Variants in TRMT9B observed in about 807,000 individuals in gnomAD.
TRMT9B encodes probable tRNA methyltransferase 9B.
A neutral mutation model predicts 11.5 loss-of-function variants in TRMT9B; 16 were observed. The ratio of observed to expected loss-of-function variants is 1.39; its 90% CI spans 0.94 to 2.11. The LOEUF (loss-of-function observed/expected upper bound fraction) is 2.11. Among genes scored for constraint, TRMT9B ranks in the 30% most tolerant of loss-of-function variants. The pLI, the probability that TRMT9B is intolerant of heterozygous loss-of-function variation, is 0.00. For missense variants in TRMT9B, 941 were observed against 553.8 expected, an observed-to-expected ratio of 1.70 and a Z score of -7.02; for synonymous variants, 274 against 192.4, an observed-to-expected ratio of 1.42 and a Z score of -3.51.
chr8:12,978,655 G>C (rs548237805), intron 1 of TRMT9B, among the ~76,000 whole-genome samples: 45 of 152,240 alleles, frequency 3.0e-4, no homozygotes, highest in African/African-American at 1.1e-3. Context: ...CAATATAGTA[G>C]CCACTGCAGG....
At chr8:12,972,997 C>A (rs1159822597) in intron 1 of TRMT9B, among the ~76,000 whole-genome samples, 1 of 152,176 alleles carries the variant, frequency 6.6e-6, no homozygotes, top group Non-Finnish European at 1.5e-5. Context: ...TTTACCCTGA[C>A]TCCCCAGGCC....
chr8:13,019,537 G>A (rs369016581), intron 4 of TRMT9B, among the ~76,000 whole-genome samples: 10 of 152,064 alleles, frequency 6.6e-5, no homozygotes, highest in East Asian at 1.9e-4. Flanking sequence ...CAAGAGTTCC[G>A]CCCACCTCAG....
rs375239354 is a variant in TRMT9B, at chr8:13,021,891, C to T, written c.1212C>T (p.Asp404=). The change falls in exon 5 of 5, where the codon GAC becomes GAT. Residue 404 remains aspartate, a synonymous_variant. Transcript: ENST00000524591. Reference sequence around the variant, plus strand: ...AAGATCCACAGACTGATGTTTTGGACTCCACAGCCTTTATGCGCTACTACC... The same window carrying T: ...AAGATCCACAGACTGATGTTTTGGATTCCACAGCCTTTATGCGCTACTACC... ...SVEDPQTDVL[D]STAFMRYYHV... 1.6e-5 allele frequency: 26 copies of T among 1,613,808 alleles called. No individual in the cohort carries two copies. In the African/African-American group the frequency reaches 2.3e-4, roughly 14 times the overall value.
chr8:12,949,349 A>G lies in TRMT9B; in HGVS notation c.-200+3383A>G, dbSNP rs143337879. On this transcript the variant is annotated intron_variant, in intron 1 of 4. Transcript: ENST00000524591. ...GTACACCCAGCATCAGCAACTGTCA[A>G]TATTTTGACAGTCATTTTTTATCCT... Among the ~76,000 whole-genome samples, 109 of 152,284 alleles carry G rather than the reference A, an allele frequency of 7.2e-4. 1 individual carries two copies. The highest frequency in any genetic ancestry group is 2.4e-3 in the African/African-American group (100 of 41,572).
chr8:13,010,139 A>G, intron 3 of TRMT9B: 1 of 430,670 alleles, frequency 2.3e-6, no homozygotes, highest in Non-Finnish European at 3.1e-6. Context: ...CCCTATCTGA[A>G]AAAAAAAAAA....
chr8:13,021,042 C>G lies in TRMT9B; in HGVS notation c.363C>G (p.Ile121Met). 1 of 1,572,924 alleles carries G rather than the reference C, an allele frequency of 6.4e-7. No individual in the cohort carries two copies. The highest frequency in any genetic ancestry group is 8.6e-7 in the Non-Finnish European group (1 of 1,160,990). ...IHHFSTKQRR[I>M]RAIKEMARVL... The stretch of plus-strand genomic sequence containing the variant: ...ATTTTTCTACAAAACAAAGAAGAAT[C>G]AGAGCAATAAAAGAAATGGCCAGGG... The change falls in exon 5 of 5, where the codon ATC becomes ATG. Residue 121 changes from isoleucine to methionine, a missense_variant. Coordinates refer to ENST00000524591, the MANE Select transcript of TRMT9B (RefSeq NM_020844.3).
intron 1 of TRMT9B, among the ~76,000 whole-genome samples, chr8:12,957,612 G>C (rs991388837): frequency 4.6e-5 from 7 of 152,128 alleles, no homozygotes; most frequent in African/African-American, 1.7e-4. Context: ...AGTGAAGAGG[G>C]AATGATTACT....
At chr8:13,011,710 T>G in intron 3 of TRMT9B, 15 of 977,118 alleles carry the variant, frequency 1.5e-5, no homozygotes, top group Non-Finnish European at 1.8e-5. Flanking sequence ...TACTTAGGTC[T>G]CTGCTACTGG....
intron 1 of TRMT9B, among the ~76,000 whole-genome samples, chr8:12,980,408 TC>T (rs1805166967): frequency 6.6e-6 from 1 of 151,846 alleles, no homozygotes; most frequent in Non-Finnish European, 1.5e-5. Context: ...AACCCTTTTT[TC>T]CAAATAAGGT....
chr8:12,987,574 C>G (rs2946487), intron 1 of TRMT9B, among the ~76,000 whole-genome samples: 6,025 of 152,044 alleles, frequency 0.04, 160 homozygotes, highest in African/African-American at 0.069. Flanking sequence ...CCTATAGTCC[C>G]AGATACTTGG....
At position 12,976,179 on chromosome 8, in the gene TRMT9B, C is replaced by T. The variant is rs115434464; in HGVS notation, c.-199-14655C>T. Among the ~76,000 whole-genome samples, 475 of 152,300 alleles carry T rather than the reference C, an allele frequency of 3.1e-3. 4 individuals carry two copies. Among genetic ancestry groups the T allele is most frequent in the African/African-American group, 9.9e-3 (411 of 41,550 alleles). On this transcript the variant is annotated intron_variant, in intron 1 of 4. Transcript: ENST00000524591. ...TGCCACTGCTGAGCTCCTGCTGCCA[C>T]CCTCGGCACCTGCCCTAGTTCTCCT... is the stretch of plus-strand genomic sequence containing the variant.
chr8:13,012,212 C>G, intron 3 of TRMT9B: 1 of 985,288 alleles, frequency 1.0e-6, no homozygotes, highest in Non-Finnish European at 1.2e-6. Flanking sequence ...TAAGTATTCG[C>G]CGAAGGCTTT....
At position 13,012,677 on chromosome 8, in the gene TRMT9B, C is replaced by T; in HGVS notation, c.155-7C>T. 6.2e-7 allele frequency: 1 copy of T among 1,609,448 alleles called. No individual in the cohort carries two copies. The highest frequency in any genetic ancestry group is 8.5e-7 in the Non-Finnish European group (1 of 1,177,490). ...GATAGCATGTAACGCAGGTTTTTCT[C>T]TTATAGGTTGTGGGACTGGAAAATA... On this transcript the variant is annotated splice_region_variant and splice_polypyrimidine_tract_variant and intron_variant, in intron 3 of 4. Transcript: ENST00000524591.
At chr8:12,978,816 G>A (rs557400901) in intron 1 of TRMT9B, among the ~76,000 whole-genome samples, 2 of 152,308 alleles carry the variant, frequency 1.3e-5, no homozygotes, top group Non-Finnish European at 2.9e-5. Flanking sequence ...AGGTTGGCAC[G>A]TGGAGTCCAG....
chr8:12,959,087 T>TATA (rs746477045), intron 1 of TRMT9B, among the ~76,000 whole-genome samples: 2 of 152,066 alleles, frequency 1.3e-5, no homozygotes, highest in South Asian at 2.1e-4. Context: ...GAACTTAAAG[T>TATA]ATAATAATAA....
At position 12,997,345 on chromosome 8, in the gene TRMT9B, C is replaced by T. The variant is rs142619301; in HGVS notation, c.-2+6314C>T. 1.2e-4 allele frequency among the ~76,000 whole-genome samples: 18 copies of T among 152,256 alleles called. No individual in the cohort carries two copies. The East Asian group carries it at 3.5e-3, about 29-fold the overall frequency. On this transcript the variant is annotated intron_variant, in intron 2 of 4. Transcript: ENST00000524591. ...TCCTCCCCTCTCTCTTGCTCCCTCT[C>T]TGACCTTGTGACACACGTGCTCCTC...
At chr8:13,002,550 G>A (rs1357302538) in intron 2 of TRMT9B, among the ~76,000 whole-genome samples, 1 of 152,196 alleles carries the variant, frequency 6.6e-6, no homozygotes, top group Non-Finnish European at 1.5e-5. Flanking sequence ...ACTCAGTTAG[G>A]AGTTTGCTAG....
At chr8:12,989,617 T>C (rs1285112512) in intron 1 of TRMT9B, among the ~76,000 whole-genome samples, 2 of 152,206 alleles carry the variant, frequency 1.3e-5, no homozygotes, top group Admixed American at 1.3e-4. Flanking sequence ...TAGGCACAAA[T>C]GCCTGAAGGA....
At chr8:13,019,068 T>A (rs552760418) in intron 4 of TRMT9B, among the ~76,000 whole-genome samples, 2 of 152,318 alleles carry the variant, frequency 1.3e-5, no homozygotes, top group East Asian at 3.9e-4. Flanking sequence ...CGTCAGTGAA[T>A]GACCATGAAA....
Sources: allele counts gnomAD v4.1 joint callset (sites outside exome capture counted in the v4.1 genomes callset), GRCh38; gene constraint gnomAD v4.1.1; transcripts MANE v1.5; gene names NCBI Gene and HGNC (gene_info 2026-07-23, HGNC 2026-07-21).